Variants in DCC observed in about 807,000 individuals in gnomAD.
The protein encoded by DCC is netrin receptor DCC.
Under a neutral mutation model 172.5 loss-of-function variants are expected in DCC, and 58 were observed. The observed-to-expected ratio is 0.34, with a 90% CI of 0.27 to 0.42. The LOEUF (loss-of-function observed/expected upper bound fraction) is 0.42. Ranked by LOEUF, DCC falls within the 10% of genes least tolerant of loss-of-function variation. The pLI is 1.00. For missense variants in DCC, 1,740 were observed against 1,791.0 expected, an observed-to-expected ratio of 0.97 and a Z score of 0.51; for synonymous variants, 709 against 644.5, an observed-to-expected ratio of 1.10 and a Z score of -1.52.
intron 5 of DCC, among the ~76,000 whole-genome samples, chr18:52,940,179 A>G (rs2145521140): frequency 6.6e-6 from 1 of 152,338 alleles, no homozygotes; most frequent in South Asian, 2.1e-4. Context: ...AGAGTAAGGC[A>G]AGACATTTAT....
chr18:52,551,014 A>T (rs1042579033), intron 1 of DCC, among the ~76,000 whole-genome samples: 3 of 152,038 alleles, frequency 2.0e-5, no homozygotes, highest in African/African-American at 7.2e-5. Context: ...TTAGGGACAA[A>T]TGTATTTGTA....
At chr18:52,749,732 T>C (rs767985639) in intron 1 of DCC, among the ~76,000 whole-genome samples, 8 of 152,214 alleles carry the variant, frequency 5.3e-5, no homozygotes. Flanking sequence ...CTCATTAACA[T>C]GCTGTCATAA....
intron 2 of DCC, among the ~76,000 whole-genome samples, chr18:52,872,578 A>G (rs924397881): frequency 5.9e-5 from 9 of 152,178 alleles, no homozygotes; most frequent in Non-Finnish European, 1.2e-4. Flanking sequence ...CTGATGCCAA[A>G]TCACTTTATA....
rs528610106 is a variant in DCC at position 53,297,072 on chromosome 18, TATG to T, written c.1912-8503_1912-8501del. 1.4e-3 allele frequency among the ~76,000 whole-genome samples: 217 copies of T among 152,316 alleles called. 1 individual carries two copies. Among genetic ancestry groups the T allele is most frequent in the African/African-American group, 5.0e-3 (209 of 41,586 alleles). On this transcript the variant is annotated intron_variant, in intron 12 of 28. Transcript: ENST00000442544. ...GCAGTAGGAGATGTGGAGTTAAAAA[TATG>T]ATAAGTTTATGAAATGTGGCTTCTG...
intron 2 of DCC, among the ~76,000 whole-genome samples, chr18:52,770,645 A>G (rs144722570): frequency 6.6e-6 from 1 of 152,146 alleles, no homozygotes; most frequent in East Asian, 1.9e-4. Flanking sequence ...CTGCAGAGCC[A>G]AGGAGCTGAG....
At chr18:52,962,559 G>C (rs2040859133) in intron 5 of DCC, among the ~76,000 whole-genome samples, 1 of 151,970 alleles carries the variant, frequency 6.6e-6, no homozygotes, top group Admixed American at 6.5e-5. Flanking sequence ...ATTCCTCAGG[G>C]ATCTAGAACT....
chr18:52,834,529 G>A (rs532842879), intron 2 of DCC, among the ~76,000 whole-genome samples: 13 of 151,974 alleles, frequency 8.6e-5, no homozygotes, highest in Non-Finnish European at 1.6e-4. Flanking sequence ...TGTGCCTAAG[G>A]ATTGCATGGT....
intron 5 of DCC, among the ~76,000 whole-genome samples, chr18:53,031,403 ACT>A (rs72289155): frequency 0.023 from 3,502 of 152,138 alleles, 60 homozygotes; most frequent in Admixed American, 0.055. Context: ...ACTTTTTTTC[ACT>A]CTAAAATATT....
At chr18:52,510,979 C>T (rs1221225355) in intron 1 of DCC, among the ~76,000 whole-genome samples, 1 of 152,048 alleles carries the variant, frequency 6.6e-6, no homozygotes, top group East Asian at 1.9e-4. Context: ...TCTCACATAG[C>T]TCTAGGGTAA....
intron 2 of DCC, among the ~76,000 whole-genome samples, chr18:52,770,607 G>A (rs2037325040): frequency 6.6e-6 from 1 of 151,256 alleles, no homozygotes; most frequent in South Asian, 2.1e-4. Context: ...CAGAGTCATG[G>A]GCAGTGACTG....
chr18:52,887,166 T>G (rs549846987), intron 2 of DCC, among the ~76,000 whole-genome samples: 2 of 152,192 alleles, frequency 1.3e-5, no homozygotes, highest in African/African-American at 2.4e-5. Context: ...AGTGCTGAAT[T>G]TGATCACTAA....
chr18:52,585,253 G>A (rs1195058865), intron 1 of DCC, among the ~76,000 whole-genome samples: 1 of 152,194 alleles, frequency 6.6e-6, no homozygotes, highest in African/African-American at 2.4e-5. Context: ...CTGTGGATGT[G>A]TTAAAGCATG....
intron 2 of DCC, among the ~76,000 whole-genome samples, chr18:52,858,111 A>G (rs1414183227): frequency 6.6e-6 from 1 of 152,228 alleles, no homozygotes; most frequent in African/African-American, 2.4e-5. Context: ...AGAATCATGC[A>G]TTGTCTGTTC....
intron 7 of DCC, among the ~76,000 whole-genome samples, chr18:53,121,730 A>C (rs933846168): frequency 1.3e-5 from 2 of 151,920 alleles, no homozygotes; most frequent in Non-Finnish European, 2.9e-5. Flanking sequence ...ATAATTTTAC[A>C]TGTATTTTTT....
chr18:53,408,824 A>G (rs1433894519), intron 19 of DCC, among the ~76,000 whole-genome samples: 1 of 152,208 alleles, frequency 6.6e-6, no homozygotes, highest in Non-Finnish European at 1.5e-5. Flanking sequence ...AAATAGATGT[A>G]AGTTTTCAGC....
chr18:53,454,972 G>GT (rs2045465990), intron 23 of DCC, among the ~76,000 whole-genome samples: 1 of 152,054 alleles, frequency 6.6e-6, no homozygotes, highest in Non-Finnish European at 1.5e-5. Context: ...TTTTGGTTTT[G>GT]TTTTTATTTT....
At chr18:53,172,920 A>G (rs1028664875) in intron 8 of DCC, among the ~76,000 whole-genome samples, 4 of 152,118 alleles carry the variant, frequency 2.6e-5, no homozygotes, top group African/African-American at 9.7e-5. Context: ...TGAATAAATC[A>G]TGTTGCTTTT....
At position 52,695,196 on chromosome 18, in the gene DCC, AACTT is replaced by A. The variant is rs370938306; in HGVS notation, c.92-56852_92-56849del. 5.4e-4 allele frequency among the ~76,000 whole-genome samples: 82 copies of A among 152,336 alleles called. 1 individual carries two copies. Among genetic ancestry groups the A allele is most frequent in the African/African-American group, 1.9e-3 (80 of 41,582 alleles). On this transcript the variant is annotated intron_variant, in intron 1 of 28. Coordinates refer to ENST00000442544, the MANE Select transcript of DCC (RefSeq NM_005215.4). Reference sequence around the variant, plus strand: ...AAAAATTAACTGTGGCATCCTAAGCAACTTACTTAACCTCCATGGGCCTCAATTT... The same window carrying A: ...AAAAATTAACTGTGGCATCCTAAGCAACTTAACCTCCATGGGCCTCAATTT...
chr18:53,015,921 A>G (rs1408517430), intron 5 of DCC, among the ~76,000 whole-genome samples: 2 of 152,112 alleles, frequency 1.3e-5, no homozygotes, highest in Non-Finnish European at 2.9e-5. Context: ...TCTTTAACCA[A>G]AACATATAAA....
Sources: allele counts gnomAD v4.1 joint callset (sites outside exome capture counted in the v4.1 genomes callset), GRCh38; gene constraint gnomAD v4.1.1; transcripts MANE v1.5; gene names NCBI Gene and HGNC (gene_info 2026-07-23, HGNC 2026-07-21).